Variants in AKAP6 observed in about 807,000 individuals in gnomAD.
AKAP6 encodes the protein A-kinase anchoring protein 6.
A neutral mutation model predicts 188.5 loss-of-function variants in AKAP6; 58 were observed. The ratio of observed to expected loss-of-function variants is 0.31; its 90% CI spans 0.25 to 0.38. The LOEUF (loss-of-function observed/expected upper bound fraction) is 0.38, where lower values mean the gene tolerates loss of function less well. Among genes scored for constraint, AKAP6 ranks in the 10% least tolerant of loss-of-function variants. The pLI is 1.00. For synonymous variants in AKAP6, 989 were observed against 998.6 expected, an observed-to-expected ratio of 0.99 and a Z score of 0.18; for missense variants, 2,710 against 2,740.0, an observed-to-expected ratio of 0.99 and a Z score of 0.24.
chr14:32,609,554 A>G (rs1364642615), intron 7 of AKAP6, among the ~76,000 whole-genome samples: 1 of 151,982 alleles, frequency 6.6e-6, no homozygotes, highest in Admixed American at 6.6e-5. Flanking sequence ...TTTTATACTC[A>G]TTTGGCCTGC....
chr14:32,432,540 G>T lies in AKAP6; in HGVS notation c.-34-920G>T, dbSNP rs1241598542. 3.3e-5 allele frequency among the ~76,000 whole-genome samples: 5 copies of T among 152,210 alleles called. No homozygotes were observed. The East Asian group carries it at 9.6e-4, about 29-fold the overall frequency. ...TATAACCAAATATTAATGTAATTTA[G>T]ATTGAGAGTTAATTAGATCTATTCA... On this transcript the variant is annotated intron_variant, in intron 1 of 13. Transcript: ENST00000280979.
chr14:32,790,238 A>G (rs944677147), intron 12 of AKAP6, among the ~76,000 whole-genome samples: 2 of 152,206 alleles, frequency 1.3e-5, no homozygotes, highest in Non-Finnish European at 2.9e-5. Flanking sequence ...GACTGAATCT[A>G]CAACTGATTG....
At chr14:32,812,088 G>A (rs1357924829) in intron 12 of AKAP6, among the ~76,000 whole-genome samples, 1 of 152,180 alleles carries the variant, frequency 6.6e-6, no homozygotes, top group East Asian at 1.9e-4. Context: ...ACATCCAGGG[G>A]TATAAAACTC....
At chr14:32,376,304 T>C (rs963709956) in intron 1 of AKAP6, among the ~76,000 whole-genome samples, 2 of 152,250 alleles carry the variant, frequency 1.3e-5, no homozygotes, top group African/African-American at 4.8e-5. Flanking sequence ...AATTAGTTTT[T>C]ACTTTTCCTT....
rs375997485 is a variant in AKAP6, at chr14:32,731,321, TG to T, written c.3001-1132del. Among the ~76,000 whole-genome samples, 157 of 152,268 alleles carry T rather than the reference TG, an allele frequency of 1.0e-3. No individual in the cohort carries two copies. The Middle Eastern group carries it at 0.017, about 16-fold the overall frequency. On this transcript the variant is annotated intron_variant, in intron 9 of 13. Transcript: ENST00000280979. ...TTTAATCTGCTTCCAATTGTATTTTTGTTTGGGATCTTATATAATATCATGT... is the reference window on the plus strand; with the variant it reads ...TTTAATCTGCTTCCAATTGTATTTTTTTTGGGATCTTATATAATATCATGT...
intron 12 of AKAP6, among the ~76,000 whole-genome samples, chr14:32,791,567 G>T (rs1250782850): frequency 6.6e-6 from 1 of 151,910 alleles, no homozygotes; most frequent in Non-Finnish European, 1.5e-5. Flanking sequence ...CCATTCTGTA[G>T]GTTGCCTGTT....
At chr14:32,809,717 A>C (rs2034175810) in intron 12 of AKAP6, among the ~76,000 whole-genome samples, 1 of 152,170 alleles carries the variant, frequency 6.6e-6, no homozygotes, top group South Asian at 2.1e-4. Context: ...GGGGGCTTCA[A>C]TTTTAGAGAG....
chr14:32,514,152 A>G (rs1881399652), intron 2 of AKAP6, among the ~76,000 whole-genome samples: 1 of 152,208 alleles, frequency 6.6e-6, no homozygotes, highest in African/African-American at 2.4e-5. Flanking sequence ...TCTACCCGAT[A>G]TGAAAGAATG....
chr14:32,807,990 A>G (rs1319994129), intron 12 of AKAP6, among the ~76,000 whole-genome samples: 1 of 152,268 alleles, frequency 6.6e-6, no homozygotes, highest in African/African-American at 2.4e-5. Context: ...CCGCATTTCA[A>G]GAGCAGTTTT....
chr14:32,346,887 A>G (rs1256004673), intron 1 of AKAP6, among the ~76,000 whole-genome samples: 1 of 152,200 alleles, frequency 6.6e-6, no homozygotes, highest in African/African-American at 2.4e-5. Context: ...AACCACCCAA[A>G]AAGTTTGGGG....
intron 1 of AKAP6, among the ~76,000 whole-genome samples, chr14:32,365,187 A>G (rs1040393270): frequency 3.9e-5 from 6 of 152,182 alleles, no homozygotes; most frequent in African/African-American, 1.4e-4. Context: ...TAATCTCTGC[A>G]GTGATTTTCT....
intron 5 of AKAP6, among the ~76,000 whole-genome samples, chr14:32,584,625 C>T (rs576911047): frequency 7.9e-5 from 12 of 152,206 alleles, no homozygotes; most frequent in African/African-American, 2.2e-4. Context: ...CGTTGTAATT[C>T]TTCCCTCCTA....
intron 1 of AKAP6, among the ~76,000 whole-genome samples, chr14:32,410,196 G>C (rs937741461): frequency 9.9e-5 from 15 of 151,730 alleles, no homozygotes; most frequent in African/African-American, 3.4e-4. Flanking sequence ...CTAAGAGTCA[G>C]GCACCCTTTT....
intron 1 of AKAP6, among the ~76,000 whole-genome samples, chr14:32,345,765 G>A (rs1887046010): frequency 6.6e-6 from 1 of 152,144 alleles, no homozygotes; most frequent in African/African-American, 2.4e-5. Context: ...GGGTGAGTGG[G>A]CTGAATGTAA....
chr14:32,798,596 T>G (rs956176145), intron 12 of AKAP6, among the ~76,000 whole-genome samples: 1 of 152,138 alleles, frequency 6.6e-6, no homozygotes, highest in Non-Finnish European at 1.5e-5. Flanking sequence ...CTGGAGACCA[T>G]TACCCTAAGT....
intron 7 of AKAP6, among the ~76,000 whole-genome samples, chr14:32,650,477 G>A (rs1007156220): frequency 6.6e-6 from 1 of 152,134 alleles, no homozygotes; most frequent in African/African-American, 2.4e-5. Context: ...GTCGGGTGTG[G>A]TGGCATGCCT....
chr14:32,825,546 A>AT (rs1289131505), intron 13 of AKAP6, among the ~76,000 whole-genome samples: 2 of 152,198 alleles, frequency 1.3e-5, no homozygotes, highest in Non-Finnish European at 2.9e-5. Context: ...TTTCCATCAA[A>AT]TTTTTTAAGA....
chr14:32,810,068 G>C (rs2034185619), intron 12 of AKAP6, among the ~76,000 whole-genome samples: 2 of 152,150 alleles, frequency 1.3e-5, no homozygotes, highest in Non-Finnish European at 2.9e-5. Context: ...AATTCAGCAG[G>C]CATGGCCCAG....
intron 7 of AKAP6, among the ~76,000 whole-genome samples, chr14:32,643,747 T>C (rs1887865184): frequency 6.6e-6 from 1 of 152,176 alleles, no homozygotes; most frequent in South Asian, 2.1e-4. Context: ...GCCAACTGTA[T>C]GTCATCAGGA....
Sources: allele counts gnomAD v4.1 joint callset (sites outside exome capture counted in the v4.1 genomes callset), GRCh38; gene constraint gnomAD v4.1.1; transcripts MANE v1.5; gene names NCBI Gene and HGNC (gene_info 2026-07-23, HGNC 2026-07-21).